Variants in SRRM2 observed in about 807,000 individuals in gnomAD.
SRRM2 encodes serine/arginine repetitive matrix protein 2.
In SRRM2, 30 loss-of-function variants were observed where a neutral mutation model predicts 213.8. That is an observed-to-expected ratio of 0.14 (90% CI 0.10 to 0.19). The LOEUF is 0.19. Among genes scored for constraint, SRRM2 ranks in the 10% least tolerant of loss-of-function variants. The probability of loss-of-function intolerance (pLI) is 1.00; values close to 1 mark genes in which losing one functional copy is unlikely to be tolerated. For synonymous variants in SRRM2, 2,025 were observed against 1,377.7 expected (o/e 1.47, Z -10.40); for missense variants, 4,904 against 3,647.0 (o/e 1.34, Z -8.88).
In SRRM2 at chr16:2,769,015, A is replaced by C. The variant is rs1466804768; in HGVS notation, c.7752A>C (p.Pro2584=). ...VALKRVPSPT[P]APKEAVREGR... ...CCCACAGGGTCCCCAGCCCCACCCC[A>C]GCCCCAAAGGAGGCTGTTCGAGAGG... The change falls in exon 12 of 15, where the codon CCA becomes CCC. Residue 2584 remains proline (P), a synonymous_variant. Coordinates refer to ENST00000301740, the MANE Select transcript of SRRM2 (RefSeq NM_016333.4). 1 of 1,613,858 alleles carries C rather than the reference A, an allele frequency of 6.2e-7. No homozygotes were observed. The highest frequency in any genetic ancestry group is 2.2e-5 in the East Asian group (1 of 44,868).
At position 2,756,449 on chromosome 16, in the gene SRRM2, C is replaced by G; in HGVS notation, c.85C>G (p.Arg29Gly). The G allele has an allele frequency of 6.2e-7, 1 of 1,613,118 alleles. No individual in the cohort carries two copies. Among genetic ancestry groups the G allele is most frequent in the Non-Finnish European group, 8.5e-7 (1 of 1,179,656 alleles). Residue 29 changes from arginine (R) to glycine (G), a missense_variant, in exon 2 of 15, where the codon CGC becomes GGC. Coordinates refer to ENST00000301740, the MANE Select transcript of SRRM2 (RefSeq NM_016333.4). ...GCGCAACCTGTCCCTGGTGCGGGGC[C>G]GCCGGGGTGAGCGGCCTGACTACAA... ...VQRNLSLVRG[R>G]RGERPDYKGE... is the part of the protein sequence containing the mutation.
In SRRM2 at chr16:2,764,878, G is replaced by A; in HGVS notation, c.4350G>A (p.Gly1450=). 1 of 1,614,188 alleles carries A rather than the reference G, an allele frequency of 6.2e-7. No individual in the cohort carries two copies. The highest frequency in any genetic ancestry group is 1.1e-5 in the South Asian group (1 of 91,082). ...RSGSSPGLRD[G]SGTPSRHSLS... The stretch of plus-strand genomic sequence containing the variant: ...GGTCTTCTCCAGGACTTAGAGATGG[G>A]TCTGGGACTCCCTCGAGGCACAGCC... The change falls in exon 11 of 15, where the codon GGG becomes GGA. Residue 1450 remains glycine (G), a synonymous_variant. Transcript: ENST00000301740.
intron 10 of SRRM2, among the ~76,000 whole-genome samples, chr16:2,761,035 A>G (rs1250718098): frequency 6.6e-6 from 1 of 152,224 alleles, no homozygotes; most frequent in Non-Finnish European, 1.5e-5. Flanking sequence ...AAGTTGGTTG[A>G]CCTCAGAAAC....
At position 2,761,671 on chromosome 16, in the gene SRRM2, T is replaced by G. The variant is rs757291872; in HGVS notation, c.1143T>G (p.Leu381=). Residue 381 remains leucine, a synonymous_variant, in exon 11 of 15, where the codon CTT becomes CTG. Transcript: ENST00000301740. ...GACATGGCGGCTCCCCACAACCCCT[T>G]GCAACCACCCCCTTAAGCCAGGAGC... ...AERHGGSPQP[L]ATTPLSQEPV... is the part of the protein sequence containing the mutation. The G allele has an allele frequency of 6.9e-6, 11 of 1,596,540 alleles. No individual in the cohort carries two copies. The highest frequency in any genetic ancestry group is 1.7e-5 in the Admixed American group (1 of 57,616).
chr16:2,759,786 C>G, intron 9 of SRRM2, 125 bp downstream of exon 9: 1 of 792,472 alleles, frequency 1.3e-6, no homozygotes, highest in Non-Finnish European at 2.0e-6. Context: ...TCCCTGCCCT[C>G]TAGGAGCTGA....
In SRRM2 at chr16:2,756,316, C is replaced by T; in HGVS notation, c.-31-18C>T. The T allele has an allele frequency of 6.5e-7, 1 of 1,528,632 alleles. No individual in the cohort carries two copies. Among genetic ancestry groups the T allele is most frequent in the East Asian group, 2.4e-5 (1 of 42,422 alleles). The allele number at this position is 1,528,632 out of a possible 1,614,324, so 94.7% of individuals were successfully genotyped here. On this transcript the variant is annotated intron_variant, in intron 1 of 14. Coordinates refer to ENST00000301740, the MANE Select transcript of SRRM2 (RefSeq NM_016333.4). Reference sequence around the variant, plus strand: ...TTGGGGCCAGGGGCCTGACCCGTGTCTCCCCGCTCCCCCTCAGGAGCGGTG... The same window carrying T: ...TTGGGGCCAGGGGCCTGACCCGTGTTTCCCCGCTCCCCCTCAGGAGCGGTG...
In SRRM2 at chr16:2,771,405, T is replaced by C; in HGVS notation, c.*538T>C. The stretch of plus-strand genomic sequence containing the variant: ...TTTTCTGTCAAATAAAAATGAGAAA[T>C]GCAGGAACTGGGTCTGTAGACTGTT... On this transcript the variant is annotated 3_prime_UTR_variant, in exon 15 of 15. Transcript: ENST00000301740. The C allele has an allele frequency of 6.2e-7, 1 of 1,611,132 alleles. No individual in the cohort carries two copies.
At chr16:2,756,075 A>G (rs2150770722) in intron 1 of SRRM2, among the ~76,000 whole-genome samples, 1 of 152,278 alleles carries the variant, frequency 6.6e-6, no homozygotes, top group South Asian at 2.1e-4. Flanking sequence ...GTAGGGAGGG[A>G]TTATTTAGAA....
At chr16:2,757,387 C>T (rs1596263822) in intron 2 of SRRM2, 85 bp from the exon 3 acceptor site, 4 of 1,232,622 alleles carry the variant, frequency 3.2e-6, no homozygotes, top group East Asian at 2.3e-5. Flanking sequence ...GAGGGAGGGG[C>T]CCCTTTTGGG....
At chr16:2,756,630 C>T (rs771616310) in intron 2 of SRRM2, 24 bp downstream of exon 2, 9 of 1,599,682 alleles carry the variant, frequency 5.6e-6, no homozygotes, top group Non-Finnish European at 7.7e-6. Flanking sequence ...GGGGGAGAGT[C>T]AAGCACTGAA....
chr16:2,765,144 C>G lies in SRRM2; in HGVS notation c.4616C>G (p.Ser1539Trp), dbSNP rs760736029. 8 of 1,614,022 alleles carry G rather than the reference C, an allele frequency of 5.0e-6. No individual in the cohort carries two copies. Among genetic ancestry groups the G allele is most frequent in the African/African-American group, 2.7e-5 (2 of 74,912 alleles). Residue 1539 changes from serine (S) to tryptophan (W), a missense_variant, in exon 11 of 15, where the codon TCG (serine) becomes TGG (tryptophan). Coordinates refer to ENST00000301740, the MANE Select transcript of SRRM2 (RefSeq NM_016333.4). Reference protein sequence around the residue: ...ARTPLGQRSRSGSSQELDVKP... With the variant: ...ARTPLGQRSRWGSSQELDVKP... Reference sequence around the variant, plus strand: ...ACTCCCCTGGGGCAGAGAAGTCGTTCGGGATCCTCTCAAGAACTTGATGTG... The same window carrying G: ...ACTCCCCTGGGGCAGAGAAGTCGTTGGGGATCCTCTCAAGAACTTGATGTG...
Position 2,758,017 on chromosome 16 carries a change from T to C in SRRM2, c.515+72T>C, listed in dbSNP as rs1009681305. The C allele has an allele frequency of 1.5e-5, 23 of 1,525,118 alleles. No individual in the cohort carries two copies. In the African/African-American group the frequency reaches 2.7e-4, roughly 18 times the overall value. The allele number at this position is 1,525,118 out of a possible 1,614,324, so 94.5% of individuals were successfully genotyped here. On this transcript the variant is annotated intron_variant, in intron 4 of 14. Transcript: ENST00000301740. Reference sequence around the variant, plus strand: ...AGCTCCATGCTCTATTTTTGTCTTTTTGCGGGCTGGTTTCTTCCCAAACTC... The same window carrying C: ...AGCTCCATGCTCTATTTTTGTCTTTCTGCGGGCTGGTTTCTTCCCAAACTC...
Position 2,768,183 on chromosome 16 carries a change from C to T in SRRM2, c.7655C>T (p.Ser2552Phe), listed in dbSNP as rs768649396. ...TCTTCTTCATCATCGTCGTCGTCGT[C>T]CTCCTCCTCCTCTGGCTCCAGTTCT... Reference protein sequence around the residue: ...SSSSSSSSSSSSSSSGSSSSD... With the variant: ...SSSSSSSSSSFSSSSGSSSSD... Residue 2552 changes from serine (S) to phenylalanine (F), a missense_variant, in exon 11 of 15, where the codon TCC becomes TTC. Transcript: ENST00000301740. The T allele has an allele frequency of 4.2e-6, 6 of 1,439,736 alleles. No homozygotes were observed. Among genetic ancestry groups the T allele is most frequent in the East Asian group, 4.6e-5 (2 of 43,204 alleles). The allele number at this position is 1,439,736 out of a possible 1,614,324, so 89.2% of individuals were successfully genotyped here.
Position 2,763,206 on chromosome 16 carries a change from G to C in SRRM2, c.2678G>C (p.Gly893Ala). ...SRTPSRHSCS[G>A]SSPPRVKSST... is the part of the protein sequence containing the mutation. ...ACCCCTTCTAGACATAGCTGCTCAG[G>C]GTCCTCTCCTCCTAGAGTGAAATCT... Residue 893 changes from glycine to alanine, a missense_variant, in exon 11 of 15, where the codon GGG (glycine) becomes GCG (alanine). Gly to Ala is a moderately conservative substitution (Grantham distance 60). Transcript: ENST00000301740. The C allele has an allele frequency of 6.2e-7, 1 of 1,613,856 alleles. No individual in the cohort carries two copies. Among genetic ancestry groups the C allele is most frequent in the Middle Eastern group, 1.6e-4 (1 of 6,062 alleles).
At position 2,762,754 on chromosome 16, in the gene SRRM2, G is replaced by A. The variant is rs779287449; in HGVS notation, c.2226G>A (p.Arg742=). The change falls in exon 11 of 15, where the codon AGG becomes AGA. Residue 742 remains arginine, a synonymous_variant. Transcript: ENST00000301740. ...CCAGAACATCTCAAAGAAGAAGCAG[G>A]TCCAATTCAAGCCCAGAAATGAAGA... ...NKSRTSQRRS[R]SNSSPEMKKS... 1 of 1,614,122 alleles carries A rather than the reference G, an allele frequency of 6.2e-7. No homozygotes were observed. The highest frequency in any genetic ancestry group is 8.5e-7 in the Non-Finnish European group (1 of 1,180,034).
Position 2,766,354 on chromosome 16 carries a change from A to G in SRRM2, c.5826A>G (p.Thr1942=). 3.7e-6 allele frequency: 6 copies of G among 1,613,906 alleles called. No individual in the cohort carries two copies. Among genetic ancestry groups the G allele is most frequent in the Admixed American group, 1.7e-5 (1 of 59,994 alleles). ...GTTCAAGGTCTAGAACGCCAACAACACGCCGCCGCTCCCGTTCTAGAACTC... is the reference window on the plus strand; with the variant it reads ...GTTCAAGGTCTAGAACGCCAACAACGCGCCGCCGCTCCCGTTCTAGAACTC... The part of the protein sequence containing the change: ...RRRSRSRTPT[T]RRRSRSRTPP... The change falls in exon 11 of 15, where the codon ACA becomes ACG. Residue 1942 remains threonine, a synonymous_variant. Coordinates refer to ENST00000301740, the MANE Select transcript of SRRM2 (RefSeq NM_016333.4). The surrounding 1 kb of genome is among the most constrained non-coding windows in gnomAD (Gnocchi z 7.0).
At position 2,765,478 on chromosome 16, in the gene SRRM2, A is replaced by T. The variant is rs767204128; in HGVS notation, c.4950A>T (p.Glu1650Asp). The T allele has an allele frequency of 1.2e-5, 19 of 1,614,050 alleles. No individual in the cohort carries two copies. In the East Asian group the frequency reaches 4.0e-4, roughly 34 times the overall value. ...SSSKGRGPSP[E>D]GSSSTESSPE... ...GCAAAGGCAGAGGCCCTTCTCCTGA[A>T]GGAAGCAGCAGTACCGAGTCCTCTC... Residue 1650 changes from glutamate to aspartate, a missense_variant, in exon 11 of 15, where the codon GAA becomes GAT. By Grantham distance (45) the Glu-to-Asp change is conservative (BLOSUM62 2). Coordinates refer to ENST00000301740, the MANE Select transcript of SRRM2 (RefSeq NM_016333.4).
At position 2,762,751 on chromosome 16, in the gene SRRM2, C is replaced by G; in HGVS notation, c.2223C>G (p.Ser741Arg). 1 of 1,614,176 alleles carries G rather than the reference C, an allele frequency of 6.2e-7. No homozygotes were observed. Among genetic ancestry groups the G allele is most frequent in the Non-Finnish European group, 8.5e-7 (1 of 1,180,028 alleles). Residue 741 changes from serine (S) to arginine (R), a missense_variant, in exon 11 of 15, where the codon AGC (serine) becomes AGG (arginine). Ser to Arg is a moderately radical substitution (Grantham distance 110). Transcript: ENST00000301740. ...KNKSRTSQRR[S>R]RSNSSPEMKK... The stretch of plus-strand genomic sequence containing the variant: ...AATCCAGAACATCTCAAAGAAGAAG[C>G]AGGTCCAATTCAAGCCCAGAAATGA...
Position 2,765,804 on chromosome 16 carries a change from G to A in SRRM2, c.5276G>A (p.Arg1759Lys). 6.2e-7 allele frequency: 1 copy of A among 1,614,118 alleles called. No individual in the cohort carries two copies. Among genetic ancestry groups the A allele is most frequent in the East Asian group, 2.2e-5 (1 of 44,874 alleles). The part of the protein sequence containing the change: ...SSPRTKTTSR[R>K]GRSPSPKPRG... ...CCACGCACTAAGACAACCTCAAGGAGAGGCCGCTCTCCTTCGCCAAAGCCT... is the reference window on the plus strand; with the variant it reads ...CCACGCACTAAGACAACCTCAAGGAAAGGCCGCTCTCCTTCGCCAAAGCCT... The change falls in exon 11 of 15, where the codon AGA becomes AAA. Residue 1759 changes from arginine to lysine, a missense_variant. Transcript: ENST00000301740.
Sources: allele counts gnomAD v4.1 joint callset (sites outside exome capture counted in the v4.1 genomes callset), GRCh38; gene constraint gnomAD v4.1.1; non-coding constraint Gnocchi (gnomAD v3.1); transcripts MANE v1.5; gene names NCBI Gene and HGNC (gene_info 2026-07-23, HGNC 2026-07-21).